Variants in FIG4 observed in about 807,000 individuals in gnomAD.
FIG4 encodes the protein polyphosphoinositide phosphatase.
In FIG4, 112 loss-of-function variants were observed where a neutral mutation model predicts 118.6. The ratio of observed to expected loss-of-function variants is 0.94; its 90% confidence interval spans 0.81 to 1.11. The LOEUF is 1.11. Ranked by LOEUF, FIG4 falls within the 50% of genes least tolerant of loss-of-function variation. The pLI is 0.00. For synonymous variants in FIG4, 369 were observed against 381.2 expected (o/e 0.97, Z 0.37); for missense variants, 969 against 1,111.7 (o/e 0.87, Z 1.83).
At chr6:109,782,742 T>C (rs1206723615) in intron 16 of FIG4, among the ~76,000 whole-genome samples, 1 of 152,200 alleles carries the variant, frequency 6.6e-6, no homozygotes, top group Non-Finnish European at 1.5e-5. Context: ...GTCTTTTTCA[T>C]TCCCCTGATC....
intron 22 of FIG4, among the ~76,000 whole-genome samples, chr6:109,797,095 A>G (rs1778309718): frequency 1.3e-5 from 2 of 152,206 alleles, no homozygotes; most frequent in South Asian, 2.1e-4. Context: ...GAGGCTTCCA[A>G]CCATGAACTC....
chr6:109,767,091 C>T (rs1777302483), intron 15 of FIG4, among the ~76,000 whole-genome samples, 196 bp downstream of exon 15: 1 of 152,140 alleles, frequency 6.6e-6, no homozygotes, highest in Admixed American at 6.5e-5. Flanking sequence ...TTAAATAGGA[C>T]ACTTTTGCAT....
intron 3 of FIG4, among the ~76,000 whole-genome samples, chr6:109,724,428 T>C (rs1775723176): frequency 6.6e-6 from 1 of 152,204 alleles, no homozygotes; most frequent in African/African-American, 2.4e-5. Context: ...TGACATTTAT[T>C]GAATTGTGCC....
intron 10 of FIG4, among the ~76,000 whole-genome samples, chr6:109,753,277 G>A (rs1470697882): frequency 1.3e-5 from 2 of 151,184 alleles, no homozygotes; most frequent in South Asian, 4.2e-4. Context: ...ATTTCTGAGG[G>A]CTCTGTTCTG....
chr6:109,803,045 C>G (rs1284902929), intron 22 of FIG4, among the ~76,000 whole-genome samples: 1 of 152,162 alleles, frequency 6.6e-6, no homozygotes, highest in African/African-American at 2.4e-5. Flanking sequence ...TGTTGCACCA[C>G]TTTTGGAAAA....
At chr6:109,696,519 A>G (rs1158859501) in intron 1 of FIG4, among the ~76,000 whole-genome samples, 1 of 152,236 alleles carries the variant, frequency 6.6e-6, no homozygotes, top group East Asian at 1.9e-4. Flanking sequence ...ATGGATTAAA[A>G]AATGTGGTAT....
At chr6:109,812,288 A>G (rs1318485872) in intron 22 of FIG4, among the ~76,000 whole-genome samples, 1 of 152,140 alleles carries the variant, frequency 6.6e-6, no homozygotes, top group Non-Finnish European at 1.5e-5. Context: ...AAAATGGACT[A>G]ATATGCAAGC....
chr6:109,774,873 C>T (rs190250786), intron 15 of FIG4, among the ~76,000 whole-genome samples: 8 of 152,066 alleles, frequency 5.3e-5, no homozygotes, highest in Non-Finnish European at 1.2e-4. Flanking sequence ...TACTATTGTA[C>T]TGTTTATTGA....
chr6:109,702,299 A>G (rs1774930828), intron 1 of FIG4, among the ~76,000 whole-genome samples: 2 of 152,194 alleles, frequency 1.3e-5, no homozygotes, highest in African/African-American at 2.4e-5. Flanking sequence ...ATTGTATTCT[A>G]TTTGGATTTC....
chr6:109,822,787 G>A lies in FIG4; in HGVS notation c.2547-2301G>A, dbSNP rs7773077. 7.7e-4 allele frequency among the ~76,000 whole-genome samples: 93 copies of A among 120,384 alleles called. 2 individuals are homozygous for A. The highest frequency in any genetic ancestry group is 2.2e-3 in the African/African-American group (68 of 31,368). 79.0% of individuals were successfully genotyped at this position (120,384 alleles called of 152,430 possible). A position where few individuals can be genotyped will look rare whatever the true frequency, so the allele number is the denominator to read the frequency against. On this transcript the variant is annotated intron_variant, in intron 22 of 22. Transcript: ENST00000230124. ...TGTATATATATGTGTGTGTGTGTAT[G>A]TATATATATATATATATATATATAT...
intron 16 of FIG4, among the ~76,000 whole-genome samples, chr6:109,780,167 C>A (rs1777756284): frequency 6.6e-6 from 1 of 152,188 alleles, no homozygotes; most frequent in African/African-American, 2.4e-5. Flanking sequence ...CAGATGAGAT[C>A]ATATAAATGG....
chr6:109,708,651 A>G (rs1775164480), intron 1 of FIG4, among the ~76,000 whole-genome samples: 1 of 152,168 alleles, frequency 6.6e-6, no homozygotes, highest in East Asian at 1.9e-4. Flanking sequence ...ACTTTTTAGT[A>G]ATAGCCATTC....
intron 3 of FIG4, among the ~76,000 whole-genome samples, chr6:109,721,523 T>G (rs1318206284): frequency 6.6e-6 from 1 of 152,214 alleles, no homozygotes; most frequent in Non-Finnish European, 1.5e-5. Context: ...TTGGCTTCCC[T>G]CTCAAGTGAC....
intron 12 of FIG4, among the ~76,000 whole-genome samples, chr6:109,763,334 C>T (rs1777169222): frequency 1.3e-5 from 2 of 152,240 alleles, no homozygotes; most frequent in Admixed American, 6.5e-5. Context: ...GCAGTTAGGC[C>T]TGTTAGGTTA....
chr6:109,743,406 G>A (rs1400739220), intron 9 of FIG4, 134 bp downstream of exon 9: 2 of 818,654 alleles, frequency 2.4e-6, no homozygotes, highest in African/African-American at 3.5e-5. Context: ...TTTAGAAGAG[G>A]AATTTCCGTT....
chr6:109,701,700 T>A (rs756376585), intron 1 of FIG4: 6 of 471,284 alleles, frequency 1.3e-5, no homozygotes, highest in African/African-American at 1.2e-4. Flanking sequence ...TCACAGAAAG[T>A]AGAATAAAAC....
At chr6:109,697,537 G>A (rs1040777985) in intron 1 of FIG4, among the ~76,000 whole-genome samples, 1 of 152,184 alleles carries the variant, frequency 6.6e-6, no homozygotes, top group Non-Finnish European at 1.5e-5. Flanking sequence ...CTTATAATGT[G>A]GTAGCCTGCT....
At chr6:109,724,768 C>A (rs1775740988) in intron 3 of FIG4, among the ~76,000 whole-genome samples, 1 of 150,752 alleles carries the variant, frequency 6.6e-6, no homozygotes, top group Non-Finnish European at 1.5e-5. Context: ...ACATTATTTC[C>A]TTTACTGTAA....
chr6:109,724,715 A>C (rs1157904643), intron 3 of FIG4, among the ~76,000 whole-genome samples: 1 of 152,074 alleles, frequency 6.6e-6, no homozygotes, highest in Non-Finnish European at 1.5e-5. Flanking sequence ...ATGCATTCTT[A>C]TGTACAACTT....
Sources: gnomAD v4.1 joint callset for allele counts (sites outside exome capture counted in the v4.1 genomes callset) on GRCh38, gnomAD v4.1.1 for gene constraint, MANE v1.5 for transcripts, NCBI Gene and HGNC (gene_info 2026-07-23, HGNC 2026-07-21) for gene names.